POSTN: variants seen among roughly 807,000 people sequenced by gnomAD.
The protein encoded by POSTN is osteoblast specific factor 2 (fasciclin I-like).
A neutral mutation model predicts 104.5 loss-of-function variants in POSTN; 71 were observed. That is an observed-to-expected ratio of 0.68 (90% CI 0.56 to 0.83). The LOEUF is 0.83. POSTN is among the 40% of genes least tolerant of loss of function. The pLI is 0.00. For synonymous variants in POSTN, 355 were observed against 340.7 expected (o/e 1.04, Z -0.46); for missense variants, 949 against 1,006.8 (o/e 0.94, Z 0.78).
At position 37,566,415 on chromosome 13, in the gene POSTN, A is replaced by G. The variant is rs149454055; in HGVS notation, c.2432-1855T>C. 1.7e-3 allele frequency among the ~76,000 whole-genome samples: 255 copies of G among 152,302 alleles called. 2 individuals are homozygous for G. The highest frequency in any genetic ancestry group is 5.9e-3 in the African/African-American group (247 of 41,580). On this transcript the variant is annotated intron_variant, in intron 21 of 22. Transcript: ENST00000379747. The stretch of plus-strand genomic sequence containing the variant: ...GGTGAGAAACATTACTTAATTGACC[A>G]TGTTAATGTCAATTGATGATTGACA...
At chr13:37,595,402 A>G (rs1951056564) in intron 2 of POSTN, among the ~76,000 whole-genome samples, 1 of 152,222 alleles carries the variant, frequency 6.6e-6, no homozygotes, top group Non-Finnish European at 1.5e-5. Context: ...AAGTCTGCAC[A>G]ATAATAGGAA....
intron 16 of POSTN, 142 bp downstream of exon 16, chr13:37,577,610 CT>C: frequency 1.5e-6 from 2 of 1,357,570 alleles, no homozygotes; most frequent in South Asian, 2.1e-5. Context: ...GACCTCAATC[CT>C]TTTTTCAAGT....
At position 37,570,585 on chromosome 13, in the gene POSTN, A is replaced by G. The variant is rs1434020944; in HGVS notation, c.2264T>C (p.Ile755Thr). Reference protein sequence around the residue: ...TEKETREERIITGPEIKYTRI... With the variant: ...TEKETREERITTGPEIKYTRI... Reference sequence around the variant, plus strand: ...TGTATGGAATTAATGGCTACCTGTAATGATTCGTTCTTCTCGTGTCTCTTT... The same window carrying G: ...TGTATGGAATTAATGGCTACCTGTAGTGATTCGTTCTTCTCGTGTCTCTTT... Residue 755 changes from isoleucine to threonine, a missense_variant, in exon 19 of 23, where the codon ATT becomes ACT. By Grantham distance (89) the Ile-to-Thr change is moderately conservative (BLOSUM62 -1). Transcript: ENST00000379747. 2 of 1,590,046 alleles carry G rather than the reference A, an allele frequency of 1.3e-6. No homozygotes were observed. Among genetic ancestry groups the G allele is most frequent in the Admixed American group, 1.7e-5 (1 of 59,900 alleles).
At chr13:37,595,363 A>G (rs773504694) in intron 2 of POSTN, among the ~76,000 whole-genome samples, 2 of 152,224 alleles carry the variant, frequency 1.3e-5, no homozygotes, top group Non-Finnish European at 2.9e-5. Context: ...TTGCATTATA[A>G]TTGTGTGAAT....
chr13:37,586,103 C>T, intron 7 of POSTN, 36 bp downstream of exon 7: 2 of 1,559,792 alleles, frequency 1.3e-6, no homozygotes, highest in Non-Finnish European at 8.7e-7. Flanking sequence ...TCTCAGAATG[C>T]TGGGAGACTC....
intron 3 of POSTN, 112 bp from the exon 4 acceptor site, chr13:37,590,641 C>A: frequency 1.2e-6 from 1 of 848,938 alleles, no homozygotes; most frequent in South Asian, 4.2e-5. Context: ...ATAATTTTAG[C>A]AATACAATTA....
At chr13:37,570,706 C>G (rs1347357783) in intron 18 of POSTN, 37 bp from the exon 19 acceptor site, 3 of 1,301,744 alleles carry the variant, frequency 2.3e-6, no homozygotes, top group Non-Finnish European at 2.2e-6. Context: ...TTGATTTACC[C>G]TCATATTGTG....
chr13:37,591,865 A>G (rs1303526569), intron 3 of POSTN, among the ~76,000 whole-genome samples: 1 of 152,164 alleles, frequency 6.6e-6, no homozygotes, highest in Non-Finnish European at 1.5e-5. Flanking sequence ...GGGAAGCTGA[A>G]CTAATTTAAA....
At chr13:37,574,457 G>C in intron 17 of POSTN, 115 bp downstream of exon 17, 1 of 1,355,990 alleles carries the variant, frequency 7.4e-7, no homozygotes, top group Non-Finnish European at 9.7e-7. Flanking sequence ...TATAATATTG[G>C]TTATATAACA....
intron 1 of POSTN, 73 bp from the exon 2 acceptor site, chr13:37,597,355 G>T: frequency 1.1e-6 from 1 of 941,456 alleles, no homozygotes; most frequent in Non-Finnish European, 1.6e-6. Context: ...AAGATTGGTT[G>T]ATAGAAGAAA....
At position 37,580,117 on chromosome 13, in the gene POSTN, T is replaced by C. The variant is rs573177537; in HGVS notation, c.1530-126A>G. 9.1e-6 allele frequency: 8 copies of C among 878,218 alleles called. No individual in the cohort carries two copies. In the South Asian group the frequency reaches 1.5e-4, roughly 16 times the overall value. The allele number at this position is 878,218 out of a possible 1,614,324, so 54.4% of individuals were successfully genotyped here. A position where few individuals can be genotyped will look rare whatever the true frequency, so the allele number is the denominator to read the frequency against. On this transcript the variant is annotated intron_variant, in intron 11 of 22. Coordinates refer to ENST00000379747, the MANE Select transcript of POSTN (RefSeq NM_006475.3). ...TGAGAGAACTGCTCATACATTTTCA[T>C]ATGTTTCGAATACAATTTACCTGTT...
chr13:37,573,410 GA>G (rs901215160), intron 17 of POSTN, among the ~76,000 whole-genome samples: 2 of 149,530 alleles, frequency 1.3e-5, no homozygotes, highest in East Asian at 1.9e-4. Flanking sequence ...TTTTTTTCAA[GA>G]AAAAAACAAG....
chr13:37,587,300 G>C (rs1179969882), intron 5 of POSTN, among the ~76,000 whole-genome samples: 1 of 152,122 alleles, frequency 6.6e-6, no homozygotes, highest in Non-Finnish European at 1.5e-5. Context: ...TTTTGAGAGG[G>C]AGAAACAAAT....
Position 37,579,280 on chromosome 13 carries a change from A to G in POSTN, c.1740T>C (p.Gly580=). 1 of 1,608,338 alleles carries G rather than the reference A, an allele frequency of 6.2e-7. No individual in the cohort carries two copies. The highest frequency in any genetic ancestry group is 1.1e-5 in the South Asian group (1 of 90,960). Residue 580 remains glycine, a synonymous_variant, in exon 13 of 23, where the codon GGT becomes GGC. Coordinates refer to ENST00000379747, the MANE Select transcript of POSTN (RefSeq NM_006475.3). The stretch of plus-strand genomic sequence containing the variant: ...GTGTGGTCTTTAAAATGTTAGTAAC[A>G]CCAGGTTCAAATCCTTTTCCAATGA... ...GVFIGKGFEP[G]VTNILKTTQG...
At chr13:37,585,972 C>A (rs1315667884) in intron 7 of POSTN, among the ~76,000 whole-genome samples, 167 bp downstream of exon 7, 1 of 152,188 alleles carries the variant, frequency 6.6e-6, no homozygotes, top group Non-Finnish European at 1.5e-5. Flanking sequence ...AAGAATTATA[C>A]TCTGCCTACT....
At chr13:37,587,118 G>T (rs536641153) in intron 5 of POSTN, among the ~76,000 whole-genome samples, 190 bp from the exon 6 acceptor site, 1 of 152,188 alleles carries the variant, frequency 6.6e-6, no homozygotes, top group African/African-American at 2.4e-5. Context: ...TAAGAGAAAA[G>T]GGAACCAGTT....
chr13:37,580,022 C>CAGACTT, intron 11 of POSTN, 31 bp from the exon 12 acceptor site: 1 of 1,600,790 alleles, frequency 6.2e-7, no homozygotes, highest in Non-Finnish European at 8.5e-7. Flanking sequence ...TGTATTTTGT[C>CAGACTT]AGATTTAGAT....
At position 37,563,214 on chromosome 13, in the gene POSTN, G is replaced by A. The variant is rs1398234548; in HGVS notation, c.*119C>T. On this transcript the variant is annotated 3_prime_UTR_variant, in exon 23 of 23. Coordinates refer to ENST00000379747, the MANE Select transcript of POSTN (RefSeq NM_006475.3). ...ATTAAATTTGTGTTCAGAATTATTT[G>A]ATGATTGCTTCTTTGTGCTGATGTT... is the stretch of plus-strand genomic sequence containing the variant. 1 of 532,292 alleles carries A rather than the reference G, an allele frequency of 1.9e-6. No homozygotes were observed. Among genetic ancestry groups the A allele is most frequent in the Non-Finnish European group, 3.3e-6 (1 of 302,130 alleles). The allele number at this position is 532,292 out of a possible 1,614,324, so 33.0% of individuals were successfully genotyped here. A position where few individuals can be genotyped will look rare whatever the true frequency, so the allele number is the denominator to read the frequency against.
chr13:37,582,189 T>C (rs1950610601), intron 10 of POSTN, among the ~76,000 whole-genome samples, 177 bp downstream of exon 10: 2 of 152,238 alleles, frequency 1.3e-5, no homozygotes, highest in South Asian at 2.1e-4. Context: ...TTTGAATACA[T>C]AGCACTTGTT....
Sources: allele counts gnomAD v4.1 joint callset (sites outside exome capture counted in the v4.1 genomes callset), GRCh38; gene constraint gnomAD v4.1.1; transcripts MANE v1.5; gene names NCBI Gene and HGNC (gene_info 2026-07-23, HGNC 2026-07-21).